Variants in KIF13A observed in about 807,000 individuals in gnomAD.
The protein encoded by KIF13A is kinesin-like protein KIF13A.
In KIF13A, 79 loss-of-function variants were observed where a neutral mutation model predicts 212.2. The ratio of observed to expected loss-of-function variants is 0.37; its 90% CI spans 0.31 to 0.45. The LOEUF (loss-of-function observed/expected upper bound fraction) is 0.45, where lower values mean the gene tolerates loss of function less well. Among genes scored for constraint, KIF13A ranks in the 20% least tolerant of loss-of-function variants. The pLI, the probability that KIF13A is intolerant of heterozygous loss-of-function variation, is 1.00. For synonymous variants in KIF13A, 789 were observed against 808.6 expected, an observed-to-expected ratio of 0.98 and a Z score of 0.41; for missense variants, 1,901 against 2,209.0, an observed-to-expected ratio of 0.86 and a Z score of 2.79.
chr6:17,804,848 A>AAAAAAAAT (rs1581358921), intron 19 of KIF13A, among the ~76,000 whole-genome samples: 1 of 142,656 alleles, frequency 7.0e-6, no homozygotes, highest in Admixed American at 7.0e-5. Context: ...AAAAAAAAGA[A>AAAAAAAAT]TTAGCCCATG....
intron 9 of KIF13A, among the ~76,000 whole-genome samples, chr6:17,848,705 ACAGACGTGTGC>A (rs977333959): frequency 6.6e-6 from 1 of 151,504 alleles, no homozygotes; most frequent in African/African-American, 2.4e-5. Flanking sequence ...AGCTGGGATT[ACAGACGTGTGC>A]CACCATGCCC....
In KIF13A at chr6:17,786,696, T is replaced by C. The variant is rs1761087110; in HGVS notation, c.3362-1055A>G. ...GGCTTATCATGAAAGGGATTTTATC[T>C]GATATACTTTGAAATCCTCTTATTC... is the stretch of plus-strand genomic sequence containing the variant. On this transcript the variant is annotated intron_variant, in intron 27 of 38. Transcript: ENST00000259711. The surrounding 1 kb of genome is among the most constrained non-coding windows in gnomAD (Gnocchi z 5.4). Among the ~76,000 whole-genome samples, 1 of 152,224 alleles carries C rather than the reference T, an allele frequency of 6.6e-6. No individual in the cohort carries two copies. The highest frequency in any genetic ancestry group is 1.5e-5 in the Non-Finnish European group (1 of 68,032).
intron 2 of KIF13A, among the ~76,000 whole-genome samples, chr6:17,966,773 A>T (rs372694714): frequency 5.3e-5 from 8 of 152,150 alleles, no homozygotes; most frequent in African/African-American, 1.7e-4. Flanking sequence ...TATGATTCTT[A>T]TTATTGCACG....
In KIF13A at chr6:17,934,603, C is replaced by T. The variant is rs1323132225; in HGVS notation, c.147-36423G>A. Among the ~76,000 whole-genome samples, 1 of 152,064 alleles carries T rather than the reference C, an allele frequency of 6.6e-6. No homozygotes were observed. The highest frequency in any genetic ancestry group is 1.9e-4 in the East Asian group (1 of 5,188). ...AGAAATTCGAGACCAGCCTGGGCAA[C>T]ATAGGGAAACCCTGTCTCTACAAAA... is the stretch of plus-strand genomic sequence containing the variant. On this transcript the variant is annotated intron_variant, in intron 2 of 38. Transcript: ENST00000259711. The surrounding 1 kb of genome is among the most constrained non-coding windows in gnomAD (Gnocchi z 5.4).
rs1779405280 is a variant in KIF13A at position 17,967,211 on chromosome 6, T to TA, written c.146+19842_146+19843insT. On this transcript the variant is annotated intron_variant, in intron 2 of 38. Coordinates refer to ENST00000259711, the MANE Select transcript of KIF13A (RefSeq NM_022113.6). This position sits in a 1 kb window ranked among gnomAD's most constrained non-coding sequence, Gnocchi z 4.1. ...ATTCAGCTGAACCTAGTGCTGTAAA[T>TA]TTTTAGATAGTGCTACCGCCTCAAG... 1.3e-5 allele frequency among the ~76,000 whole-genome samples: 2 copies of TA among 152,210 alleles called. No individual in the cohort carries two copies. Among genetic ancestry groups the TA allele is most frequent in the Non-Finnish European group, 1.5e-5 (1 of 68,036 alleles).
Position 17,763,694 on chromosome 6 carries a change from G to T in KIF13A, c.*416C>A. 1 of 287,492 alleles carries T rather than the reference G, an allele frequency of 3.5e-6. No homozygotes were observed. The highest frequency in any genetic ancestry group is 5.4e-6 in the Non-Finnish European group (1 of 183,546). The allele number at this position is 287,492 out of a possible 1,614,324, so 17.8% of individuals were successfully genotyped here. A position where few individuals can be genotyped will look rare whatever the true frequency, so the allele number is the denominator to read the frequency against. ...TCTGAAATTGGGGTGTCTTACAACT[G>T]TTGATATGACAGAGTTTAATTGGCA... is the stretch of plus-strand genomic sequence containing the variant. On this transcript the variant is annotated 3_prime_UTR_variant, in exon 39 of 39. Transcript: ENST00000259711.
At chr6:17,821,745 C>A in intron 16 of KIF13A, 2 of 1,531,538 alleles carry the variant, frequency 1.3e-6, no homozygotes, top group Non-Finnish European at 1.7e-6. Flanking sequence ...CTGCTAAAAA[C>A]CAGCCAAGCT....
rs187632699 is a variant in KIF13A at position 17,837,814 on chromosome 6, G to A, written c.831-231C>T. ...TAAAAATACAAAAAATTAGCTGGGCGTGGTGGCAGGTGCCTGTAATCCCAG... is the reference window on the plus strand; with the variant it reads ...TAAAAATACAAAAAATTAGCTGGGCATGGTGGCAGGTGCCTGTAATCCCAG... On this transcript the variant is annotated intron_variant, in intron 9 of 38. Transcript: ENST00000259711. This position sits in a 1 kb window ranked among gnomAD's most constrained non-coding sequence, Gnocchi z 5.4. Among the ~76,000 whole-genome samples, 1,193 of 152,034 alleles carry A rather than the reference G, an allele frequency of 7.8e-3. 10 individuals carry two copies. Among genetic ancestry groups the A allele is most frequent in the Non-Finnish European group, 0.013 (868 of 67,986 alleles).
At chr6:17,881,621 C>A in intron 3 of KIF13A, 1 of 354,552 alleles carries the variant, frequency 2.8e-6, no homozygotes, top group Non-Finnish European at 5.5e-6. Flanking sequence ...CACTTGAACT[C>A]AGGAAGCGGA....
chr6:17,876,801 A>AT (rs544178612), intron 3 of KIF13A, among the ~76,000 whole-genome samples: 1 of 152,004 alleles, frequency 6.6e-6, no homozygotes, highest in African/African-American at 2.4e-5. Context: ...TGCCCAACTA[A>AT]TTTTTGTGTT....
chr6:17,950,658 T>C (rs2150569635), intron 2 of KIF13A: 1 of 985,242 alleles, frequency 1.0e-6, no homozygotes, highest in South Asian at 4.7e-5. Flanking sequence ...ATCTGAGGAA[T>C]TCAACTTTAT....
At chr6:17,847,229 C>T (rs1767156003) in intron 9 of KIF13A, among the ~76,000 whole-genome samples, 1 of 152,192 alleles carries the variant, frequency 6.6e-6, no homozygotes, top group South Asian at 2.1e-4. Flanking sequence ...CTCCACGAGG[C>T]GTGGCAATCT....
chr6:17,931,795 T>C (rs1468280441), intron 2 of KIF13A, among the ~76,000 whole-genome samples: 1 of 152,156 alleles, frequency 6.6e-6, no homozygotes, highest in Non-Finnish European at 1.5e-5. Flanking sequence ...GAAAAACTTT[T>C]AAATGCGATT....
chr6:17,770,890 T>C, intron 38 of KIF13A: 6 of 557,230 alleles, frequency 1.1e-5, no homozygotes, highest in South Asian at 3.1e-5. Flanking sequence ...CCTTTCTCCC[T>C]TTTTCTAAGC....
intron 2 of KIF13A, among the ~76,000 whole-genome samples, chr6:17,942,978 CA>C (rs1328220721): frequency 6.7e-6 from 1 of 149,434 alleles, no homozygotes; most frequent in Non-Finnish European, 1.5e-5. Flanking sequence ...GACTCTGTCT[CA>C]AAAAACAAAA....
At position 17,789,435 on chromosome 6, in the gene KIF13A, G is replaced by A. The variant is rs576899984; in HGVS notation, c.3261+437C>T. ...TATTAGCTCTTGGATGTAAGGAGCA[G>A]AATGCACTTTAGCATGGGAAAGATA... On this transcript the variant is annotated intron_variant, in intron 26 of 38. Coordinates refer to ENST00000259711, the MANE Select transcript of KIF13A (RefSeq NM_022113.6). This position sits in a 1 kb window ranked among gnomAD's most constrained non-coding sequence, Gnocchi z 4.8. 6.6e-6 allele frequency among the ~76,000 whole-genome samples: 1 copy of A among 152,182 alleles called. No homozygotes were observed. Among genetic ancestry groups the A allele is most frequent in the South Asian group, 2.1e-4 (1 of 4,830 alleles).
In KIF13A at chr6:17,804,412, G is replaced by A. The variant is rs775849508; in HGVS notation, c.2403C>T (p.Phe801=). 2.1e-5 allele frequency: 32 copies of A among 1,558,814 alleles called. No homozygotes were observed. Among genetic ancestry groups the A allele is most frequent in the Non-Finnish European group, 2.6e-5 (30 of 1,150,602 alleles). Residue 801 remains phenylalanine (F), a synonymous_variant, in exon 20 of 39, where the codon TTC becomes TTT. Transcript: ENST00000259711. ...CTGCATACTGAAGTTTCACATCACAGAAGAGGCATTCCAAGAATACATTCG... is the reference window on the plus strand; with the variant it reads ...CTGCATACTGAAGTTTCACATCACAAAAGAGGCATTCCAAGAATACATTCG... ...GVANVFLECL[F]CDVKLQYAVP... is the part of the protein sequence containing the mutation.
chr6:17,784,029 G>A (rs1399931749), intron 28 of KIF13A, among the ~76,000 whole-genome samples: 2 of 152,196 alleles, frequency 1.3e-5, no homozygotes, highest in Non-Finnish European at 2.9e-5. Flanking sequence ...AGAGCCTAGA[G>A]GAAGTAAACA....
chr6:17,933,150 A>G (rs1776153705), intron 2 of KIF13A, among the ~76,000 whole-genome samples: 1 of 152,184 alleles, frequency 6.6e-6, no homozygotes, highest in African/African-American at 2.4e-5. Context: ...TGGCTGGAGA[A>G]CATGAATTTA....
Sources: gnomAD v4.1 joint callset for allele counts (sites outside exome capture counted in the v4.1 genomes callset) on GRCh38, gnomAD v4.1.1 for gene constraint, Gnocchi (gnomAD v3.1) non-coding constraint, MANE v1.5 for transcripts, NCBI Gene and HGNC (gene_info 2026-07-23, HGNC 2026-07-21) for gene names.